Variants in EPC2 observed in about 807,000 individuals in gnomAD.
EPC2 encodes the protein enhancer of polycomb 2, also known as enhancer of polycomb homolog 2.
A neutral mutation model predicts 92.1 loss-of-function variants in EPC2; 14 were observed. The observed-to-expected ratio is 0.15, with a 90% CI of 0.10 to 0.24. The LOEUF (loss-of-function observed/expected upper bound fraction) is 0.24. Among genes scored for constraint, EPC2 ranks in the 10% least tolerant of loss-of-function variants. The pLI is 1.00. For synonymous variants in EPC2, 340 were observed against 334.7 expected (o/e 1.02, Z -0.17); for missense variants, 755 against 971.5 (o/e 0.78, Z 2.96).
rs756144596 is a variant in EPC2, at chr2:148,769,251, T to G, written c.1230+11T>G. On this transcript the variant is annotated intron_variant, in intron 8 of 13. Transcript: ENST00000258484. ...TGCCAGTATTATGCTGTAAGAACTT[T>G]TGTGTGTGTGTGGTGTTTTTGTGAA... The G allele has an allele frequency of 6.3e-6, 10 of 1,590,580 alleles. No individual in the cohort carries two copies. The highest frequency in any genetic ancestry group is 1.1e-5 in the South Asian group (1 of 88,396).
At chr2:148,747,363 C>A (rs76895146) in intron 3 of EPC2, among the ~76,000 whole-genome samples, 3,831 of 152,092 alleles carry the variant, frequency 0.025, 55 homozygotes, top group East Asian at 0.032. Flanking sequence ...TCCTTGTGTA[C>A]CTGTATAGTC....
intron 2 of EPC2, among the ~76,000 whole-genome samples, chr2:148,739,833 C>CTTTTTTTTTT (rs144868417): frequency 4.4e-3 from 358 of 81,216 alleles, no homozygotes; most frequent in Non-Finnish European, 4.8e-3. Context: ...TCTTCTTCTT[C>CTTTTTTTTTT]TTTTTTTTTT....
intron 1 of EPC2, among the ~76,000 whole-genome samples, chr2:148,672,618 G>A (rs554967796): frequency 1.3e-5 from 2 of 152,054 alleles, no homozygotes; most frequent in African/African-American, 2.4e-5. Flanking sequence ...GCTCACCACC[G>A]CTTAATATTA....
intron 2 of EPC2, among the ~76,000 whole-genome samples, chr2:148,712,294 C>T (rs958273709): frequency 2.0e-5 from 3 of 151,160 alleles, no homozygotes; most frequent in Admixed American, 6.6e-5. Context: ...GTACATTTAC[C>T]GTTAATCCAA....
chr2:148,741,546 T>C (rs1682879482), intron 2 of EPC2, among the ~76,000 whole-genome samples: 1 of 152,184 alleles, frequency 6.6e-6, no homozygotes. Flanking sequence ...TTCCTATTCC[T>C]TTGTTAGTAC....
At chr2:148,740,712 G>A (rs753850293) in intron 2 of EPC2, among the ~76,000 whole-genome samples, 15 of 152,090 alleles carry the variant, frequency 9.9e-5, no homozygotes, top group South Asian at 4.1e-4. Context: ...ATATAGCCTT[G>A]CCCTTGAACT....
At position 148,761,674 on chromosome 2, in the gene EPC2, CA is replaced by C. The variant is rs1193762622; in HGVS notation, c.667-107del. 5.5e-6 allele frequency: 4 copies of C among 722,830 alleles called. No individual in the cohort carries two copies. The African/African-American group carries it at 7.5e-5, about 14-fold the overall frequency. The allele number at this position is 722,830 out of a possible 1,614,324, so 44.8% of individuals were successfully genotyped here. On this transcript the variant is annotated intron_variant, in intron 4 of 13. Transcript: ENST00000258484. ...AGGTTGCTGTTCAGATTTTTTTTAA[CA>C]TTTTACTTTTATAGGATAAATTCAG...
intron 4 of EPC2, among the ~76,000 whole-genome samples, chr2:148,755,670 G>A (rs1683176216): frequency 6.6e-6 from 1 of 152,192 alleles, no homozygotes; most frequent in South Asian, 2.1e-4. Context: ...AGCAGCAATA[G>A]GCTATACCTT....
chr2:148,644,867 C>T lies in EPC2; in HGVS notation c.-151C>T. The stretch of plus-strand genomic sequence containing the variant: ...GGCTGTTTTCGGGCGGGGTGGGCGC[C>T]CATGCTGTGGCCGGGGGCAGTGAGG... On this transcript the variant is annotated 5_prime_UTR_variant, in exon 1 of 14. Coordinates refer to ENST00000258484, the MANE Select transcript of EPC2 (RefSeq NM_015630.4). The T allele has an allele frequency of 3.1e-6, 2 of 650,516 alleles. No homozygotes were observed. Among genetic ancestry groups the T allele is most frequent in the Non-Finnish European group, 2.5e-6 (1 of 392,806 alleles). 40.3% of individuals were successfully genotyped at this position (650,516 alleles called of 1,614,324 possible). A position where few individuals can be genotyped will look rare whatever the true frequency, so the allele number is the denominator to read the frequency against.
chr2:148,655,516 G>A (rs1210725325), intron 1 of EPC2, among the ~76,000 whole-genome samples: 1 of 152,138 alleles, frequency 6.6e-6, no homozygotes, highest in Non-Finnish European at 1.5e-5. Flanking sequence ...AATATAAACG[G>A]TATTTTGACA....
intron 1 of EPC2, among the ~76,000 whole-genome samples, chr2:148,645,730 G>C (rs1574556649): frequency 6.6e-6 from 1 of 152,266 alleles, no homozygotes; most frequent in Middle Eastern, 3.4e-3. Flanking sequence ...GGGGAGGGCG[G>C]GGGCCACGAC....
chr2:148,669,474 T>G (rs563371481), intron 1 of EPC2, among the ~76,000 whole-genome samples: 19 of 152,248 alleles, frequency 1.2e-4, no homozygotes, highest in Middle Eastern at 3.4e-3. Flanking sequence ...GTCAGGAGTT[T>G]GAGACCAGAC....
intron 1 of EPC2, among the ~76,000 whole-genome samples, chr2:148,653,830 A>G (rs1324093226): frequency 6.6e-6 from 1 of 151,728 alleles, no homozygotes; most frequent in African/African-American, 2.4e-5. Flanking sequence ...TTAGGTTCCA[A>G]TCCTGGCCTC....
intron 1 of EPC2, among the ~76,000 whole-genome samples, chr2:148,651,410 A>T (rs1680680711): frequency 6.6e-6 from 1 of 152,152 alleles, no homozygotes; most frequent in African/African-American, 2.4e-5. Context: ...TATCCCTGTT[A>T]CATCTTCAGC....
chr2:148,741,143 A>AC (rs1385893924), intron 2 of EPC2, among the ~76,000 whole-genome samples: 1 of 152,178 alleles, frequency 6.6e-6, no homozygotes, highest in African/African-American at 2.4e-5. Context: ...TCATTAGTTC[A>AC]CCAATAGCTG....
At chr2:148,672,769 T>TATATTTA (rs1326837115) in intron 1 of EPC2, among the ~76,000 whole-genome samples, 1 of 152,208 alleles carries the variant, frequency 6.6e-6, no homozygotes, top group Non-Finnish European at 1.5e-5. Flanking sequence ...TATTTGCCTA[T>TATATTTA]ATATTTACTT....
chr2:148,786,511 A>AC lies in EPC2; in HGVS notation c.*134_*135insC. On this transcript the variant is annotated 3_prime_UTR_variant, in exon 14 of 14. Transcript: ENST00000258484. ...ATGGACTATAGTATATTGGATGTTAAATCCATATATGATGTATATTTTGTA... is the reference window on the plus strand; with the variant it reads ...ATGGACTATAGTATATTGGATGTTAACATCCATATATGATGTATATTTTGTA... 6 of 597,502 alleles carry AC rather than the reference A, an allele frequency of 1.0e-5. No homozygotes were observed. Among genetic ancestry groups the AC allele is most frequent in the South Asian group, 2.7e-5 (1 of 37,410 alleles). 37.0% of individuals were successfully genotyped at this position (597,502 alleles called of 1,614,324 possible).
In EPC2 at chr2:148,702,096, C is replaced by CT. The variant is rs1016799109; in HGVS notation, c.313+11733dup. Among the ~76,000 whole-genome samples, 42 of 148,400 alleles carry CT rather than the reference C, an allele frequency of 2.8e-4. No homozygotes were observed. In the East Asian group the frequency reaches 3.9e-3, roughly 14 times the overall value. ...ATTTTTGACATTAGTCATTTGTCTT[C>CT]TTTTTTTTTTCTTAGAGATTATTCA... On this transcript the variant is annotated intron_variant, in intron 2 of 13. Coordinates refer to ENST00000258484, the MANE Select transcript of EPC2 (RefSeq NM_015630.4).
intron 2 of EPC2, among the ~76,000 whole-genome samples, chr2:148,697,308 G>T (rs552655647): frequency 5.3e-5 from 8 of 151,960 alleles, no homozygotes; most frequent in African/African-American, 1.9e-4. Flanking sequence ...ATCAGTAATG[G>T]ATTCTTTTTT....
Sources: allele counts gnomAD v4.1 joint callset (sites outside exome capture counted in the v4.1 genomes callset), GRCh38; gene constraint gnomAD v4.1.1; transcripts MANE v1.5; gene names NCBI Gene and HGNC (gene_info 2026-07-23, HGNC 2026-07-21).